Variants in HPSE2 observed in about 807,000 individuals in gnomAD.
HPSE2 encodes the protein heparanase 2 (inactive), also known as inactive heparanase-2.
In HPSE2, 38 loss-of-function variants were observed where a neutral mutation model predicts 60.5. The observed-to-expected ratio is 0.63, with a 90% CI of 0.48 to 0.82. The LOEUF is 0.82. HPSE2 is among the 40% of genes least tolerant of loss of function. HPSE2 has a pLI of 0.00. For missense variants in HPSE2, 713 were observed against 740.4 expected (o/e 0.96, Z 0.43); for synonymous variants, 295 against 293.2 (o/e 1.01, Z -0.06).
At chr10:99,169,408 G>A (rs979993134) in intron 2 of HPSE2, among the ~76,000 whole-genome samples, 2 of 148,444 alleles carry the variant, frequency 1.3e-5, no homozygotes, top group African/African-American at 2.5e-5. Flanking sequence ...AGGAAGGTGA[G>A]GCAGGAGAAT....
chr10:99,181,361 G>A (rs1847765376), intron 2 of HPSE2, among the ~76,000 whole-genome samples: 1 of 134,732 alleles, frequency 7.4e-6, no homozygotes, highest in South Asian at 2.3e-4. Context: ...TCCCGCCACT[G>A]CACTCCAGCC....
chr10:98,535,001 C>G (rs894556397), intron 9 of HPSE2, among the ~76,000 whole-genome samples: 5 of 152,096 alleles, frequency 3.3e-5, no homozygotes, highest in Non-Finnish European at 5.9e-5. Context: ...GTAAGGAGAA[C>G]CTTCCCTTCC....
chr10:98,950,186 C>CA (rs1955312596), intron 3 of HPSE2, among the ~76,000 whole-genome samples: 1 of 152,154 alleles, frequency 6.6e-6, no homozygotes, highest in Non-Finnish European at 1.5e-5. Context: ...AGAGTGCCAG[C>CA]AAGAAAGAGA....
chr10:99,015,528 T>C (rs1199984843), intron 3 of HPSE2, among the ~76,000 whole-genome samples: 2 of 152,130 alleles, frequency 1.3e-5, no homozygotes, highest in Non-Finnish European at 2.9e-5. Context: ...GGGACATGGA[T>C]GAAGCTGGAA....
At chr10:99,147,640 G>A (rs527821773) in intron 2 of HPSE2, among the ~76,000 whole-genome samples, 8 of 152,176 alleles carry the variant, frequency 5.3e-5, no homozygotes, top group Middle Eastern at 3.4e-3. Context: ...ATGGCCAAAC[G>A]TATGCCCTAA....
chr10:99,217,362 G>A (rs956655761), intron 2 of HPSE2, among the ~76,000 whole-genome samples: 5 of 151,668 alleles, frequency 3.3e-5, no homozygotes, highest in Non-Finnish European at 7.4e-5. Flanking sequence ...GCATTTTTCC[G>A]TAAGAGCTGG....
chr10:99,243,370 T>C, the HPSE2 span, among the ~76,000 whole-genome samples: 1 of 151,902 alleles, frequency 6.6e-6, no homozygotes, highest in African/African-American at 2.4e-5. Context: ...AAAAAAATTA[T>C]AGAGTTAAAA....
chr10:98,677,565 T>G (rs770018713), intron 6 of HPSE2, among the ~76,000 whole-genome samples: 1 of 152,174 alleles, frequency 6.6e-6, no homozygotes, highest in Non-Finnish European at 1.5e-5. Context: ...CATGATAGTT[T>G]TGTGAAATGG....
At chr10:99,112,365 G>A (rs551261277) in intron 3 of HPSE2, among the ~76,000 whole-genome samples, 6 of 152,110 alleles carry the variant, frequency 3.9e-5, no homozygotes, top group Middle Eastern at 3.4e-3. Flanking sequence ...TCAGCCTCCC[G>A]AGTAGCTAGG....
At chr10:98,616,304 G>C (rs1438923353) in intron 8 of HPSE2, among the ~76,000 whole-genome samples, 1 of 152,016 alleles carries the variant, frequency 6.6e-6, no homozygotes, top group African/African-American at 2.4e-5. Context: ...ATCAAGCATA[G>C]ACACAATGTC....
At chr10:98,933,720 CCTTTTT>C (rs1332821304) in intron 3 of HPSE2, among the ~76,000 whole-genome samples, 2 of 140,714 alleles carry the variant, frequency 1.4e-5, no homozygotes, top group African/African-American at 3.0e-5. Context: ...CCCTTCATTG[CCTTTTT>C]CTTTTTCTTT....
At chr10:98,823,256 T>A (rs1951464274) in intron 3 of HPSE2, among the ~76,000 whole-genome samples, 1 of 152,188 alleles carries the variant, frequency 6.6e-6, no homozygotes. Context: ...TAAATTTGCA[T>A]TGTTTAAAGC....
At chr10:99,017,949 A>C (rs1032398015) in intron 3 of HPSE2, among the ~76,000 whole-genome samples, 2 of 152,140 alleles carry the variant, frequency 1.3e-5, no homozygotes, top group Admixed American at 1.3e-4. Flanking sequence ...AACCTTAAAA[A>C]CTTTTACTAC....
intron 3 of HPSE2, among the ~76,000 whole-genome samples, chr10:98,967,129 T>G (rs1002045920): frequency 6.6e-6 from 1 of 152,206 alleles, no homozygotes. Context: ...TCCGAGCATT[T>G]AGCTGGCAGT....
At chr10:98,808,118 G>C (rs949069678) in intron 3 of HPSE2, among the ~76,000 whole-genome samples, 30 of 152,230 alleles carry the variant, frequency 2.0e-4, no homozygotes, top group African/African-American at 7.0e-4. Flanking sequence ...TCTTCAGCCT[G>C]CATCTCTATA....
intron 9 of HPSE2, among the ~76,000 whole-genome samples, chr10:98,530,415 T>C (rs1318841504): frequency 6.6e-6 from 1 of 152,144 alleles, no homozygotes; most frequent in Non-Finnish European, 1.5e-5. Context: ...ACTCCAAAAT[T>C]TGCATTTCTA....
intron 6 of HPSE2, among the ~76,000 whole-genome samples, chr10:98,665,671 A>G (rs1947344248): frequency 6.6e-6 from 1 of 152,212 alleles, no homozygotes; most frequent in Non-Finnish European, 1.5e-5. Flanking sequence ...CAACAATTTC[A>G]TATCCCACCA....
At chr10:99,149,082 A>G (rs1000575450) in intron 2 of HPSE2, among the ~76,000 whole-genome samples, 1 of 152,120 alleles carries the variant, frequency 6.6e-6, no homozygotes, top group African/African-American at 2.4e-5. Flanking sequence ...CCTGGCAAAG[A>G]AAGAGCCAAA....
chr10:98,756,483 G>A (rs929505366), intron 3 of HPSE2, among the ~76,000 whole-genome samples: 2 of 151,496 alleles, frequency 1.3e-5, no homozygotes, highest in Admixed American at 6.6e-5. Flanking sequence ...ATGACAAAGG[G>A]GACATTACCA....
Sources: gnomAD v4.1 joint callset for allele counts (sites outside exome capture counted in the v4.1 genomes callset) on GRCh38, gnomAD v4.1.1 for gene constraint, MANE v1.5 for transcripts, NCBI Gene and HGNC (gene_info 2026-07-23, HGNC 2026-07-21) for gene names.